The following ANKRD36 variants were observed in gnomAD, a reference collection of about 807,000 sequenced individuals.
ANKRD36 encodes the protein ankyrin repeat domain 36.
A neutral mutation model predicts 278.1 loss-of-function variants in ANKRD36; 179 were observed. That is an observed-to-expected ratio of 0.64 (90% CI 0.57 to 0.73). The LOEUF (loss-of-function observed/expected upper bound fraction) is 0.73. Among genes scored for constraint, ANKRD36 ranks in the 30% least tolerant of loss-of-function variants. The pLI is 0.00. For synonymous variants in ANKRD36, 320 were observed against 641.1 expected (o/e 0.50, Z 7.57); for missense variants, 1,159 against 1,956.7 (o/e 0.59, Z 7.69).
chr2:97,197,522 C>T (rs1230953158), intron 42 of ANKRD36, among the ~76,000 whole-genome samples: 3 of 151,864 alleles, frequency 2.0e-5, no homozygotes, highest in Non-Finnish European at 4.4e-5. Flanking sequence ...AATCTGAATA[C>T]ATTAGTTTCC....
At chr2:97,191,415 G>A (rs1252674523) in intron 36 of ANKRD36, among the ~76,000 whole-genome samples, 1 of 151,738 alleles carries the variant, frequency 6.6e-6, no homozygotes, top group Non-Finnish European at 1.5e-5. Context: ...GAAATATGGA[G>A]AGCAGTTGAA....
In ANKRD36 at chr2:97,169,287, A is replaced by G. The variant is rs554918913; in HGVS notation, c.1633+1520A>G. Among the ~76,000 whole-genome samples, 9 of 152,418 alleles carry G rather than the reference A, an allele frequency of 5.9e-5. No homozygotes were observed. In the South Asian group the frequency reaches 1.9e-3, roughly 32 times the overall value. Reference sequence around the variant, plus strand: ...GAGCATATCCTTCACCCACTTTTTGATGAGGTTGTTTGTTCTTTTCTCATA... The same window carrying G: ...GAGCATATCCTTCACCCACTTTTTGGTGAGGTTGTTTGTTCTTTTCTCATA... On this transcript the variant is annotated intron_variant, in intron 22 of 75. Coordinates refer to ENST00000420699, the MANE Select transcript of ANKRD36 (RefSeq NM_001354587.1).
rs2066673183 is a variant in ANKRD36 at position 97,218,988 on chromosome 2, A to G, written c.3776-62A>G. The G allele has an allele frequency of 3.3e-6, 5 of 1,536,172 alleles. No individual in the cohort carries two copies. The African/African-American group carries it at 5.5e-5, about 17-fold the overall frequency. ...TTCAGTTTGATGCTAACACTCCACG[A>G]ATGTATGGTTGGCCTTACCATATTT... On this transcript the variant is annotated intron_variant, in intron 64 of 75. Transcript: ENST00000420699.
At chr2:97,198,741 C>T (rs1424626499) in intron 44 of ANKRD36, 83 bp downstream of exon 44, 21 of 1,360,738 alleles carry the variant, frequency 1.5e-5, no homozygotes, top group Middle Eastern at 5.3e-4. Flanking sequence ...GCGGGGGGCT[C>T]GTTGAAGCTG....
intron 22 of ANKRD36, among the ~76,000 whole-genome samples, chr2:97,172,900 G>T (rs1340323919): frequency 6.6e-6 from 1 of 151,726 alleles, no homozygotes; most frequent in African/African-American, 2.4e-5. Context: ...TGTAAATAGA[G>T]GAATTTTCAT....
In ANKRD36 at chr2:97,113,817, C is replaced by T; in HGVS notation, c.78C>T (p.Tyr26=). 1.9e-6 allele frequency: 3 copies of T among 1,613,038 alleles called. No individual in the cohort carries two copies. The highest frequency in any genetic ancestry group is 2.5e-6 in the Non-Finnish European group (3 of 1,180,004). ...CGGATGGCTTCGCATTTCCCCAATA[C>T]CCCATTAAACCGTATCATCTGAAGA... The part of the protein sequence containing the change: ...LCSDGFAFPQ[Y]PIKPYHLKRI... The change falls in exon 1 of 76, where the codon TAC becomes TAT. Residue 26 remains tyrosine (Y), a synonymous_variant. Transcript: ENST00000420699.
intron 32 of ANKRD36, among the ~76,000 whole-genome samples, chr2:97,187,911 T>C (rs979883184): frequency 8.6e-5 from 13 of 151,762 alleles, no homozygotes; most frequent in African/African-American, 2.9e-4. Flanking sequence ...GTTATTTATA[T>C]AATTTAGGGG....
intron 22 of ANKRD36, 60 bp from the exon 23 acceptor site, chr2:97,179,678 T>C (rs533979617): frequency 1.3e-6 from 2 of 1,590,108 alleles, no homozygotes; most frequent in Admixed American, 1.7e-5. Context: ...CATGCATTTA[T>C]GTATGGATAA....
chr2:97,186,635 T>G (rs1372007615), intron 30 of ANKRD36, among the ~76,000 whole-genome samples: 1 of 151,762 alleles, frequency 6.6e-6, no homozygotes, highest in Non-Finnish European at 1.5e-5. Flanking sequence ...ATGAATATTA[T>G]TTACTCGGAT....
intron 58 of ANKRD36, 79 bp downstream of exon 58, chr2:97,211,820 G>A (rs1214938694): frequency 2.8e-6 from 4 of 1,444,566 alleles, no homozygotes; most frequent in Admixed American, 4.2e-5. Flanking sequence ...AACAGCGGGG[G>A]GTTCGTCAAG....
chr2:97,120,884 C>T (rs2036614587), intron 3 of ANKRD36, among the ~76,000 whole-genome samples: 1 of 151,990 alleles, frequency 6.6e-6, no homozygotes, highest in Non-Finnish European at 1.5e-5. Flanking sequence ...GATCTGGATT[C>T]CAGGCTTCTC....
At chr2:97,183,428 T>A in intron 26 of ANKRD36, 31 bp from the exon 27 acceptor site, 2 of 1,540,082 alleles carry the variant, frequency 1.3e-6, no homozygotes, top group East Asian at 4.9e-5. Flanking sequence ...TATTTACATA[T>A]GATGGATTAT....
At chr2:97,260,379 T>C (rs140830543) in intron 75 of ANKRD36, among the ~76,000 whole-genome samples, 10,854 of 115,634 alleles carry the variant, frequency 0.094, 1,042 homozygotes, top group African/African-American at 0.15. Flanking sequence ...TATATATATA[T>C]ACACACATAT....
intron 6 of ANKRD36, among the ~76,000 whole-genome samples, chr2:97,138,195 C>A (rs57184334): frequency 0.029 from 4,342 of 152,128 alleles, 261 homozygotes; most frequent in African/African-American, 0.099. Context: ...TTTAGAAAAA[C>A]AAATTGTCTC....
At chr2:97,125,097 G>C (rs950800433) in intron 5 of ANKRD36, among the ~76,000 whole-genome samples, 1 of 151,262 alleles carries the variant, frequency 6.6e-6, no homozygotes, top group Non-Finnish European at 1.5e-5. Flanking sequence ...GAAGGAGAAG[G>C]GGAAAGGACA....
Position 97,190,962 on chromosome 2 carries a change from C to T in ANKRD36, c.2246-16C>T. ...GTTTATATATGAGTGATTATGTATCCCTTTTTGCTTTTCAGTGTCTTCTCA... is the reference window on the plus strand; with the variant it reads ...GTTTATATATGAGTGATTATGTATCTCTTTTTGCTTTTCAGTGTCTTCTCA... On this transcript the variant is annotated splice_polypyrimidine_tract_variant and intron_variant, in intron 34 of 75. Coordinates refer to ENST00000420699, the MANE Select transcript of ANKRD36 (RefSeq NM_001354587.1). The T allele has an allele frequency of 6.2e-7, 1 of 1,603,174 alleles. No homozygotes were observed. The highest frequency in any genetic ancestry group is 8.5e-7 in the Non-Finnish European group (1 of 1,174,750).
At chr2:97,204,417 A>C (rs972482889) in intron 50 of ANKRD36, among the ~76,000 whole-genome samples, 154 bp downstream of exon 50, 3 of 151,710 alleles carry the variant, frequency 2.0e-5, no homozygotes, top group African/African-American at 7.3e-5. Flanking sequence ...GGTGATGCTG[A>C]TGCTGCTGGT....
At chr2:97,155,138 T>G (rs940707781) in intron 15 of ANKRD36, among the ~76,000 whole-genome samples, 2 of 138,688 alleles carry the variant, frequency 1.4e-5, no homozygotes, top group African/African-American at 4.9e-5. Context: ...TAAATGAATC[T>G]TTGTTACATC....
chr2:97,144,571 G>C lies in ANKRD36; in HGVS notation c.930+25G>C, dbSNP rs1052337793. On this transcript the variant is annotated intron_variant, in intron 9 of 75. Transcript: ENST00000420699. ...GGTATTATACTCTCATTCATATTTT[G>C]AATAATTAACTGTATAGTCTATGGA... 1.9e-6 allele frequency: 3 copies of C among 1,576,048 alleles called. No individual in the cohort carries two copies. The African/African-American group carries it at 4.1e-5, about 21-fold the overall frequency.
Sources: allele counts gnomAD v4.1 joint callset (sites outside exome capture counted in the v4.1 genomes callset), GRCh38; gene constraint gnomAD v4.1.1; transcripts MANE v1.5; gene names NCBI Gene and HGNC (gene_info 2026-07-23, HGNC 2026-07-21).